Variants in CEP85L observed in about 807,000 individuals in gnomAD.
The protein encoded by CEP85L is centrosomal protein 85L.
A neutral mutation model predicts 100.3 loss-of-function variants in CEP85L; 60 were observed. The observed-to-expected ratio is 0.60, with a 90% CI of 0.49 to 0.74. The LOEUF (loss-of-function observed/expected upper bound fraction) is 0.74, where lower values mean the gene tolerates loss of function less well. Among genes scored for constraint, CEP85L ranks in the 30% least tolerant of loss-of-function variants. The probability of loss-of-function intolerance (pLI) is 0.00; values close to 1 mark genes in which losing one functional copy is unlikely to be tolerated. For synonymous variants in CEP85L, 319 were observed against 322.7 expected (o/e 0.99, Z 0.12); for missense variants, 973 against 936.2 (o/e 1.04, Z -0.51).
intron 1 of CEP85L, among the ~76,000 whole-genome samples, chr6:118,637,337 C>T (rs1029989492): frequency 5.3e-4 from 80 of 152,150 alleles, no homozygotes; most frequent in African/African-American, 1.9e-3. Context: ...GTACTGCCAC[C>T]TTATAAACTT....
At chr6:118,705,243 G>T (rs1777558863) in intron 1 of CEP85L, among the ~76,000 whole-genome samples, 1 of 152,152 alleles carries the variant, frequency 6.6e-6, no homozygotes, top group African/African-American at 2.4e-5. Flanking sequence ...TCTTCATGCA[G>T]CAGAGATGCA....
chr6:118,495,873 GAA>G (rs1161338537), intron 5 of CEP85L, among the ~76,000 whole-genome samples: 1 of 152,178 alleles, frequency 6.6e-6, no homozygotes, highest in Non-Finnish European at 1.5e-5. Flanking sequence ...AATCCAGGTT[GAA>G]AAGTCTATCA....
At chr6:118,628,806 A>T (rs1189718647) in intron 2 of CEP85L, among the ~76,000 whole-genome samples, 1 of 152,246 alleles carries the variant, frequency 6.6e-6, no homozygotes, top group African/African-American at 2.4e-5. Context: ...ATAACATAAT[A>T]GAAAACCTAG....
At chr6:118,479,029 C>T (rs913943692) in intron 10 of CEP85L, among the ~76,000 whole-genome samples, 2 of 152,032 alleles carry the variant, frequency 1.3e-5, no homozygotes, top group Non-Finnish European at 2.9e-5. Flanking sequence ...AATGGAAATT[C>T]CTTGAATTAT....
chr6:118,704,174 G>A (rs560639213), intron 1 of CEP85L, among the ~76,000 whole-genome samples: 24 of 152,124 alleles, frequency 1.6e-4, no homozygotes, highest in Non-Finnish European at 7.4e-5. Context: ...CCTACTCTGG[G>A]CTATGACATT....
intron 4 of CEP85L, among the ~76,000 whole-genome samples, chr6:118,513,580 A>G (rs1776092892): frequency 1.3e-5 from 2 of 152,178 alleles, no homozygotes; most frequent in African/African-American, 4.8e-5. Flanking sequence ...CTCTCAACCT[A>G]AAATTTTTGA....
chr6:118,605,542 A>G (rs2115193658), intron 2 of CEP85L, among the ~76,000 whole-genome samples: 1 of 152,320 alleles, frequency 6.6e-6, no homozygotes, highest in Middle Eastern at 3.4e-3. Context: ...AGATAACACA[A>G]TGCAAAACAG....
chr6:118,621,969 C>T (rs1773472474), intron 2 of CEP85L, among the ~76,000 whole-genome samples: 1 of 152,180 alleles, frequency 6.6e-6, no homozygotes, highest in Non-Finnish European at 1.5e-5. Context: ...CTAGTACATG[C>T]TCCAGCCCTA....
chr6:118,464,864 T>A lies in CEP85L; in HGVS notation c.*541A>T, dbSNP rs1406976770. The stretch of plus-strand genomic sequence containing the variant: ...AATGGTTTTGCCTCCTGTACTACCA[T>A]GACAACACTTGCCTGCTGTTTGAAC... On this transcript the variant is annotated 3_prime_UTR_variant, in exon 13 of 13. Transcript: ENST00000368491. 6.6e-6 allele frequency: 1 copy of A among 152,384 alleles called. No homozygotes were observed. The highest frequency in any genetic ancestry group is 2.4e-5 in the African/African-American group (1 of 41,432). The allele number at this position is 152,384 out of a possible 1,614,324, so 9.4% of individuals were successfully genotyped here.
chr6:118,660,895 TC>T (rs1160272817), intron 1 of CEP85L, among the ~76,000 whole-genome samples: 14 of 152,024 alleles, frequency 9.2e-5, no homozygotes, highest in Admixed American at 2.6e-4. Context: ...CTTTTTTTTT[TC>T]TTTTTTTGAG....
chr6:118,507,898 C>T (rs2114700889), intron 5 of CEP85L, among the ~76,000 whole-genome samples: 1 of 152,310 alleles, frequency 6.6e-6, no homozygotes, highest in South Asian at 2.1e-4. Context: ...CGAATCAACA[C>T]ACTGCAACTA....
chr6:118,479,790 C>A, intron 10 of CEP85L, 81 bp downstream of exon 10: 2 of 672,564 alleles, frequency 3.0e-6, no homozygotes, highest in Admixed American at 3.6e-5. Context: ...TATATGCATG[C>A]TTTAATATTT....
intron 1 of CEP85L, among the ~76,000 whole-genome samples, chr6:118,672,364 A>G (rs1562352061): frequency 6.6e-6 from 1 of 152,118 alleles, no homozygotes; most frequent in African/African-American, 2.4e-5. Flanking sequence ...TCTTTTAATT[A>G]TTAAAGTTAA....
At chr6:118,525,516 T>C (rs950638515) in intron 3 of CEP85L, among the ~76,000 whole-genome samples, 2 of 152,176 alleles carry the variant, frequency 1.3e-5, no homozygotes, top group Admixed American at 1.3e-4. Flanking sequence ...TGGACCTACG[T>C]ACACAAGGAA....
chr6:118,705,236 T>C (rs960119061), intron 1 of CEP85L, among the ~76,000 whole-genome samples: 3 of 152,238 alleles, frequency 2.0e-5, no homozygotes, highest in Admixed American at 6.5e-5. Context: ...TGTCTTCTCT[T>C]CATGCAGCAG....
chr6:118,536,833 C>A (rs947796873), intron 3 of CEP85L, among the ~76,000 whole-genome samples: 1 of 152,110 alleles, frequency 6.6e-6, no homozygotes, highest in Non-Finnish European at 1.5e-5. Context: ...ATCCTGCTTC[C>A]TAATATAGAA....
intron 3 of CEP85L, among the ~76,000 whole-genome samples, chr6:118,540,602 C>G (rs1048546115): frequency 6.6e-6 from 1 of 151,742 alleles, no homozygotes; most frequent in Non-Finnish European, 1.5e-5. Context: ...ACTAAAAATA[C>G]AAAAATTAGC....
intron 2 of CEP85L, among the ~76,000 whole-genome samples, chr6:118,569,097 T>C (rs1303794536): frequency 6.6e-6 from 1 of 151,822 alleles, no homozygotes; most frequent in Admixed American, 6.6e-5. Context: ...TTCCAGCAAT[T>C]TGGGAGGCCA....
chr6:118,515,145 C>A (rs1776198948), intron 4 of CEP85L, among the ~76,000 whole-genome samples: 1 of 151,758 alleles, frequency 6.6e-6, no homozygotes, highest in Non-Finnish European at 1.5e-5. Flanking sequence ...TTGCCAGGGA[C>A]AAAAATTATA....
Sources: gnomAD v4.1 joint callset for allele counts (sites outside exome capture counted in the v4.1 genomes callset) on GRCh38, gnomAD v4.1.1 for gene constraint, MANE v1.5 for transcripts, NCBI Gene and HGNC (gene_info 2026-07-23, HGNC 2026-07-21) for gene names.